KIR2DL1: variants seen among roughly 807,000 people sequenced by gnomAD.
KIR2DL1 encodes killer cell immunoglobulin like receptor, two Ig domains and long cytoplasmic tail 1, also known as killer cell immunoglobulin-like receptor 2DL1.
Under a neutral mutation model 33.9 loss-of-function variants are expected in KIR2DL1, and 38 were observed. The observed-to-expected ratio is 1.12, with a 90% CI of 0.86 to 1.47. KIR2DL1 has a LOEUF of 1.47. Ranked by LOEUF, KIR2DL1 falls within the 40% of genes most tolerant of loss-of-function variation. KIR2DL1 has a pLI of 0.00. For missense variants in KIR2DL1, 531 were observed against 433.9 expected, an observed-to-expected ratio of 1.22 and a Z score of -1.99; for synonymous variants, 179 against 165.9, an observed-to-expected ratio of 1.08 and a Z score of -0.61.
Position 54,774,588 on chromosome 19 carries a change from C to A in KIR2DL1, c.371-577C>A, listed in dbSNP as rs1309759071. Among the ~76,000 whole-genome samples, 2 of 147,690 alleles carry A rather than the reference C, an allele frequency of 1.4e-5. 1 individual carries two copies. Among genetic ancestry groups the A allele is most frequent in the Non-Finnish European group, 3.0e-5 (2 of 65,944 alleles). On this transcript the variant is annotated intron_variant, in intron 3 of 7. Transcript: ENST00000336077. Reference sequence around the variant, plus strand: ...ATACATAGATGATGATTGATTGATTCATTAATAGATGAGACATAGAGATGA... The same window carrying A: ...ATACATAGATGATGATTGATTGATTAATTAATAGATGAGACATAGAGATGA...
chr19:54,773,436 C>T lies in KIR2DL1; in HGVS notation c.174C>T (p.Phe58=), dbSNP rs2075983937. The change falls in exon 3 of 8, where the codon TTC becomes TTT. Residue 58 remains phenylalanine, a synonymous_variant. Coordinates refer to ENST00000336077, the MANE Select transcript of KIR2DL1 (RefSeq NM_014218.3). ...GGTCAGATGTCATGTTTGAACACTT[C>T]CTTCTGCACAGAGAGGGGATGTTTA... is the stretch of plus-strand genomic sequence containing the variant. ...QCWSDVMFEH[F]LLHREGMFND... is the part of the protein sequence containing the mutation. 1.3e-6 allele frequency: 2 copies of T among 1,589,880 alleles called. No individual in the cohort carries two copies. Among genetic ancestry groups the T allele is most frequent in the Non-Finnish European group, 1.7e-6 (2 of 1,161,456 alleles).
At chr19:54,783,585 A>C (rs756705131) in intron 7 of KIR2DL1, 47 bp downstream of exon 7, 3 of 1,613,922 alleles carry the variant, frequency 1.9e-6, no homozygotes, top group South Asian at 2.2e-5. Context: ...ATTCCCAAAG[A>C]GTCCTGGAAA....
In KIR2DL1 at chr19:54,779,801, T is replaced by A. The variant is rs137859460; in HGVS notation, c.715+1139T>A. 8.8e-3 allele frequency among the ~76,000 whole-genome samples: 1,294 copies of A among 147,328 alleles called. 45 individuals are homozygous for A. Among genetic ancestry groups the A allele is most frequent in the African/African-American group, 0.031 (1,226 of 40,184 alleles). On this transcript the variant is annotated intron_variant, in intron 5 of 7. Coordinates refer to ENST00000336077, the MANE Select transcript of KIR2DL1 (RefSeq NM_014218.3). ...GCCTCTGCCCTTGGGACACTGATATTGCAGATGGTTAAATGGGAGGGCAGA... is the reference window on the plus strand; with the variant it reads ...GCCTCTGCCCTTGGGACACTGATATAGCAGATGGTTAAATGGGAGGGCAGA...
At chr19:54,781,874 G>A (rs1008985763) in intron 5 of KIR2DL1, among the ~76,000 whole-genome samples, 5 of 151,916 alleles carry the variant, frequency 3.3e-5, no homozygotes, top group African/African-American at 7.2e-5. Flanking sequence ...AAGCACATTC[G>A]CTGTGAATCA....
rs534643730 is a variant in KIR2DL1 at position 54,778,256 on chromosome 19, C to A, written c.665-356C>A. ...CCTGAGTGACAGAGCAAGACTCCAT[C>A]TCAAAAGAAAAAATAAAAAACCATT... is the stretch of plus-strand genomic sequence containing the variant. On this transcript the variant is annotated intron_variant, in intron 4 of 7. Coordinates refer to ENST00000336077, the MANE Select transcript of KIR2DL1 (RefSeq NM_014218.3). Among the ~76,000 whole-genome samples the A allele has an allele frequency of 3.3e-5, 5 of 149,542 alleles. No individual in the cohort carries two copies. The East Asian group carries it at 9.7e-4, about 29-fold the overall frequency.
At chr19:54,779,849 A>G (rs2076760300) in intron 5 of KIR2DL1, among the ~76,000 whole-genome samples, 2 of 137,950 alleles carry the variant, frequency 1.4e-5, no homozygotes, top group Non-Finnish European at 3.2e-5. Flanking sequence ...AAGTGGATCT[A>G]TAAATGAATG....
In KIR2DL1 at chr19:54,782,928, C is replaced by G; in HGVS notation, c.722C>G (p.Pro241Arg). The change falls in exon 6 of 8, where the codon CCC becomes CGC. Residue 241 changes from proline (P) to arginine (R), a missense_variant. By Grantham distance (103) the Pro-to-Arg change is moderately radical. Coordinates refer to ENST00000336077, the MANE Select transcript of KIR2DL1 (RefSeq NM_014218.3). ...PTEPSSKTGNPRHLHILIGTS... is the reference protein window; with the variant it reads ...PTEPSSKTGNRRHLHILIGTS... Reference sequence around the variant, plus strand: ...GTGTCTCATCTTCTTCCAGGTAACCCCCGACACCTGCACATTCTGATTGGG... The same window carrying G: ...GTGTCTCATCTTCTTCCAGGTAACCGCCGACACCTGCACATTCTGATTGGG... 6.2e-7 allele frequency: 1 copy of G among 1,613,394 alleles called. No homozygotes were observed. The highest frequency in any genetic ancestry group is 8.5e-7 in the Non-Finnish European group (1 of 1,179,722).
At position 54,776,634 on chromosome 19, in the gene KIR2DL1, CTTT is replaced by C. The variant is rs113294942; in HGVS notation, c.664+1190_664+1192del. 2.0e-4 allele frequency among the ~76,000 whole-genome samples: 26 copies of C among 128,366 alleles called. 1 individual carries two copies. The highest frequency in any genetic ancestry group is 1.7e-3 in the South Asian group (7 of 4,142). The allele number at this position is 128,366 out of a possible 152,430, so 84.2% of individuals were successfully genotyped here. A position where few individuals can be genotyped will look rare whatever the true frequency, so the allele number is the denominator to read the frequency against. The stretch of plus-strand genomic sequence containing the variant: ...AATTGCTGGATACTATGAAAGTTCT[CTTT>C]TTTTTTTTTTTTTCTTTTTTGAGAA... On this transcript the variant is annotated intron_variant, in intron 4 of 7. Coordinates refer to ENST00000336077, the MANE Select transcript of KIR2DL1 (RefSeq NM_014218.3).
chr19:54,775,931 C>T lies in KIR2DL1; in HGVS notation c.664+473C>T, dbSNP rs2076278919. 2.1e-5 allele frequency among the ~76,000 whole-genome samples: 3 copies of T among 146,012 alleles called. 1 individual carries two copies. Among genetic ancestry groups the T allele is most frequent in the South Asian group, 4.3e-4 (2 of 4,632 alleles). ...TTTTGAGGTGGAGTCTAGCTCTGTC[C>T]CCTATGATGGAGTGCAGTGGCACAA... On this transcript the variant is annotated intron_variant, in intron 4 of 7. Coordinates refer to ENST00000336077, the MANE Select transcript of KIR2DL1 (RefSeq NM_014218.3).
At chr19:54,779,066 G>T (rs1449925027) in intron 5 of KIR2DL1, among the ~76,000 whole-genome samples, 1 of 147,018 alleles carries the variant, frequency 6.8e-6, no homozygotes, top group Non-Finnish European at 1.5e-5. Flanking sequence ...TGTAGGTCAT[G>T]AAGCAACCCT....
chr19:54,778,402 A>G (rs2076590540), intron 4 of KIR2DL1, among the ~76,000 whole-genome samples: 1 of 148,468 alleles, frequency 6.7e-6, no homozygotes, highest in Non-Finnish European at 1.5e-5. Context: ...TTTTGAGATC[A>G]GGTAGTGTGA....
intron 5 of KIR2DL1, among the ~76,000 whole-genome samples, chr19:54,780,557 C>T (rs1242853070): frequency 2.8e-5 from 4 of 144,440 alleles, no homozygotes; most frequent in Non-Finnish European, 3.0e-5. Flanking sequence ...GGAATCCCTA[C>T]ATGATTAATA....
chr19:54,778,404 G>A (rs1600810059), intron 4 of KIR2DL1, among the ~76,000 whole-genome samples: 1 of 148,400 alleles, frequency 6.7e-6, no homozygotes, highest in African/African-American at 2.5e-5. Flanking sequence ...TTGAGATCAG[G>A]TAGTGTGATG....
intron 4 of KIR2DL1, among the ~76,000 whole-genome samples, chr19:54,776,159 G>A (rs1190745197): frequency 2.8e-5 from 4 of 143,656 alleles, no homozygotes; most frequent in Admixed American, 1.4e-4. Flanking sequence ...CAAAGTGCTG[G>A]GATTACAGGC....
At chr19:54,770,166 T>A (rs1167558186) in intron 1 of KIR2DL1, among the ~76,000 whole-genome samples, 16 of 134,474 alleles carry the variant, frequency 1.2e-4, no homozygotes, top group Non-Finnish European at 1.6e-5. Context: ...AGGGGAGATA[T>A]GGGCCTGGAG....
At chr19:54,777,456 T>C (rs1370089001) in intron 4 of KIR2DL1, among the ~76,000 whole-genome samples, 14 of 149,192 alleles carry the variant, frequency 9.4e-5, no homozygotes, top group Admixed American at 4.7e-4. Flanking sequence ...TCTCTGATGA[T>C]GAGTGATACT....
intron 4 of KIR2DL1, among the ~76,000 whole-genome samples, 177 bp downstream of exon 4, chr19:54,775,635 C>A (rs1158433711): frequency 6.7e-6 from 1 of 148,704 alleles, no homozygotes; most frequent in Non-Finnish European, 1.5e-5. Context: ...TCCTACATGG[C>A]CTGCATGGAG....
chr19:54,782,541 C>A (rs2077106922), intron 5 of KIR2DL1, among the ~76,000 whole-genome samples: 1 of 151,986 alleles, frequency 6.6e-6, no homozygotes, highest in Non-Finnish European at 1.5e-5. Context: ...CTCTTTTTAA[C>A]AACCAGCTCT....
intron 5 of KIR2DL1, among the ~76,000 whole-genome samples, chr19:54,781,378 T>A (rs539807030): frequency 1.3e-4 from 19 of 150,664 alleles, no homozygotes; most frequent in African/African-American, 3.9e-4. Flanking sequence ...GAAAGCCCGC[T>A]GAATCCTCCA....
Sources: allele counts gnomAD v4.1 joint callset (sites outside exome capture counted in the v4.1 genomes callset), GRCh38; gene constraint gnomAD v4.1.1; transcripts MANE v1.5; gene names NCBI Gene and HGNC (gene_info 2026-07-23, HGNC 2026-07-21).